The following TRHDE variants were observed in gnomAD, a reference collection of about 807,000 sequenced individuals.
TRHDE encodes thyrotropin-releasing hormone-degrading ectoenzyme.
Under a neutral mutation model 125.7 loss-of-function variants are expected in TRHDE, and 72 were observed. That is an observed-to-expected ratio of 0.57 (90% confidence interval 0.47 to 0.70). TRHDE has a LOEUF of 0.70. Ranked by LOEUF, TRHDE falls within the 30% of genes least tolerant of loss-of-function variation. The pLI is 0.00. For synonymous variants in TRHDE, 509 were observed against 509.1 expected (o/e 1.00, Z 0.00); for missense variants, 1,110 against 1,327.1 (o/e 0.84, Z 2.54).
intron 2 of TRHDE, among the ~76,000 whole-genome samples, chr12:72,216,964 G>T (rs1178891392): frequency 1.1e-5 from 1 of 88,066 alleles, no homozygotes; most frequent in Non-Finnish European, 2.4e-5. Flanking sequence ...TTAAGGTAAT[G>T]CTAGTTTTTT....
intron 10 of TRHDE, among the ~76,000 whole-genome samples, chr12:72,569,153 C>T (rs1399488466): frequency 6.6e-6 from 1 of 152,066 alleles, no homozygotes; most frequent in African/African-American, 2.4e-5. Flanking sequence ...TAGGTGGGGT[C>T]AAACCTCAAG....
intron 2 of TRHDE, among the ~76,000 whole-genome samples, chr12:72,172,846 C>A (rs1018906349): frequency 6.6e-6 from 1 of 152,108 alleles, no homozygotes; most frequent in Admixed American, 6.6e-5. Context: ...AGCTTATTAC[C>A]AGAACCTGTT....
chr12:72,512,617 A>T (rs909959958), intron 6 of TRHDE, among the ~76,000 whole-genome samples: 1 of 142,318 alleles, frequency 7.0e-6, no homozygotes, highest in African/African-American at 2.6e-5. Context: ...AATTATATAT[A>T]ATCATATATA....
chr12:72,462,397 A>T (rs1325370993), intron 3 of TRHDE, among the ~76,000 whole-genome samples: 1 of 152,194 alleles, frequency 6.6e-6, no homozygotes, highest in Non-Finnish European at 1.5e-5. Flanking sequence ...AGAGCTCTTT[A>T]CATGGCAGAG....
At chr12:72,602,886 A>T (rs937076159) in intron 12 of TRHDE, among the ~76,000 whole-genome samples, 1 of 152,188 alleles carries the variant, frequency 6.6e-6, no homozygotes, top group Admixed American at 6.5e-5. Flanking sequence ...AGCAGCAACT[A>T]CTTCTACTGG....
intron 6 of TRHDE, among the ~76,000 whole-genome samples, chr12:72,517,736 T>C (rs1419143014): frequency 9.9e-5 from 15 of 151,344 alleles, no homozygotes; most frequent in East Asian, 2.0e-4. Flanking sequence ...ATTGTGATGT[T>C]AGGGTGTCAA....
chr12:72,391,604 T>C (rs1194003379), intron 3 of TRHDE, among the ~76,000 whole-genome samples: 1 of 152,228 alleles, frequency 6.6e-6, no homozygotes, highest in Admixed American at 6.5e-5. Flanking sequence ...TTTTAAATTG[T>C]TTAGCTATTC....
At chr12:72,581,360 A>C (rs963147806) in intron 12 of TRHDE, among the ~76,000 whole-genome samples, 5 of 152,258 alleles carry the variant, frequency 3.3e-5, no homozygotes, top group Admixed American at 2.6e-4. Context: ...GTGAATTCAC[A>C]TGGCATTATT....
At chr12:72,150,118 T>C (rs1258225061) in intron 2 of TRHDE, among the ~76,000 whole-genome samples, 1 of 152,194 alleles carries the variant, frequency 6.6e-6, no homozygotes, top group Admixed American at 6.6e-5. Context: ...TTATGGATCT[T>C]AAATACTAGA....
At chr12:72,604,844 ATGAG>A (rs2136063217) in intron 12 of TRHDE, among the ~76,000 whole-genome samples, 1 of 152,208 alleles carries the variant, frequency 6.6e-6, no homozygotes, top group Non-Finnish European at 1.5e-5. Flanking sequence ...ATTAAAATTA[ATGAG>A]TGTCACTATT....
In TRHDE at chr12:72,664,364, G is replaced by A. The variant is rs1205451879; in HGVS notation, c.*1169G>A. Reference sequence around the variant, plus strand: ...GTTTTGCTCTAATCCTCCATTAAGCGAGCATACCTCAAGTGGGTCTATTAG... The same window carrying A: ...GTTTTGCTCTAATCCTCCATTAAGCAAGCATACCTCAAGTGGGTCTATTAG... On this transcript the variant is annotated 3_prime_UTR_variant, in exon 19 of 19. Coordinates refer to ENST00000261180, the MANE Select transcript of TRHDE (RefSeq NM_013381.3). The A allele has an allele frequency of 1.3e-5, 2 of 152,478 alleles. No homozygotes were observed. Among genetic ancestry groups the A allele is most frequent in the African/African-American group, 2.4e-5 (1 of 41,434 alleles). 9.4% of individuals were successfully genotyped at this position (152,478 alleles called of 1,614,324 possible).
intron 5 of TRHDE, among the ~76,000 whole-genome samples, chr12:72,495,694 A>G (rs12578451): frequency 0.05 from 7,547 of 152,212 alleles, 282 homozygotes; most frequent in Admixed American, 0.12. Context: ...AATGCTGCAC[A>G]ATATCTGGCA....
At chr12:72,462,068 A>T (rs1592462858) in intron 3 of TRHDE, among the ~76,000 whole-genome samples, 1 of 152,286 alleles carries the variant, frequency 6.6e-6, no homozygotes, top group East Asian at 1.9e-4. Context: ...CCCAGTATGG[A>T]CTCCACAACT....
Position 72,538,813 on chromosome 12 carries a change from T to C in TRHDE, c.1723-3478T>C, listed in dbSNP as rs560423675. ...CTATCTCTGATTTTTATCATTGTTA[T>C]CATTTGTTTCTGGTTACTTTACTTC... is the stretch of plus-strand genomic sequence containing the variant. On this transcript the variant is annotated intron_variant, in intron 6 of 18. Coordinates refer to ENST00000261180, the MANE Select transcript of TRHDE (RefSeq NM_013381.3). 2.0e-5 allele frequency among the ~76,000 whole-genome samples: 3 copies of C among 152,158 alleles called. No individual in the cohort carries two copies. The South Asian group carries it at 6.2e-4, about 31-fold the overall frequency.
intron 3 of TRHDE, among the ~76,000 whole-genome samples, chr12:72,449,205 A>G (rs999772664): frequency 2.6e-5 from 4 of 152,014 alleles, no homozygotes; most frequent in East Asian, 3.9e-4. Context: ...CAAAAAATTT[A>G]TGTTTGAAAT....
chr12:72,197,466 A>T (rs182262735), intron 2 of TRHDE, among the ~76,000 whole-genome samples: 125 of 152,260 alleles, frequency 8.2e-4, no homozygotes, highest in African/African-American at 2.8e-3. Context: ...CTTGTTACAA[A>T]GCAGGGTTTG....
intron 6 of TRHDE, among the ~76,000 whole-genome samples, chr12:72,514,878 A>C (rs905900920): frequency 7.0e-6 from 1 of 143,850 alleles, no homozygotes; most frequent in African/African-American, 2.6e-5. Context: ...ATGAGTGAGA[A>C]TATGTGGTGT....
At chr12:72,512,791 T>C (rs2135950443) in intron 6 of TRHDE, among the ~76,000 whole-genome samples, 1 of 151,144 alleles carries the variant, frequency 6.6e-6, no homozygotes, top group Non-Finnish European at 1.5e-5. Context: ...GACATTTTGA[T>C]AAATGAGAAG....
intron 12 of TRHDE, chr12:72,582,300 G>T (rs1343619900): frequency 1.0e-6 from 1 of 984,462 alleles, no homozygotes; most frequent in Non-Finnish European, 1.2e-6. Context: ...GGCTAAAGAA[G>T]AAGAAAATTA....
Sources: gnomAD v4.1 joint callset for allele counts (sites outside exome capture counted in the v4.1 genomes callset) on GRCh38, gnomAD v4.1.1 for gene constraint, MANE v1.5 for transcripts, NCBI Gene and HGNC (gene_info 2026-07-23, HGNC 2026-07-21) for gene names.